Variants in CHST11 observed in about 807,000 individuals in gnomAD.
CHST11 encodes C4S-1.
CHST11 carries 9 observed loss-of-function variants against 30.4 expected under a neutral mutation model. That is an observed-to-expected ratio of 0.30 (90% CI 0.18 to 0.52). The LOEUF (loss-of-function observed/expected upper bound fraction) is 0.52. Ranked by LOEUF, CHST11 falls within the 20% of genes least tolerant of loss-of-function variation. The pLI, the probability that CHST11 is intolerant of heterozygous loss-of-function variation, is 0.97. For missense variants in CHST11, 348 were observed against 460.6 expected, an observed-to-expected ratio of 0.76 and a Z score of 2.24; for synonymous variants, 152 against 187.8, an observed-to-expected ratio of 0.81 and a Z score of 1.56.
chr12:104,704,362 G>C (rs540937619), intron 2 of CHST11, among the ~76,000 whole-genome samples: 4 of 152,320 alleles, frequency 2.6e-5, no homozygotes, highest in African/African-American at 9.6e-5. Flanking sequence ...GGCGGGGGAG[G>C]CTGCAGGTGA....
intron 1 of CHST11, among the ~76,000 whole-genome samples, chr12:104,599,214 T>C (rs2038935025): frequency 6.6e-6 from 1 of 152,192 alleles, no homozygotes; most frequent in South Asian, 2.1e-4. Context: ...CGGGCAGGGC[T>C]GATGGCTGTG....
intron 2 of CHST11, among the ~76,000 whole-genome samples, chr12:104,614,947 G>C (rs2039095844): frequency 6.6e-6 from 1 of 152,172 alleles, no homozygotes; most frequent in Non-Finnish European, 1.5e-5. Context: ...GGATAAGCAG[G>C]CCAAAGATGC....
chr12:104,680,310 C>T (rs997422293), intron 2 of CHST11, among the ~76,000 whole-genome samples: 1 of 152,234 alleles, frequency 6.6e-6, no homozygotes, highest in South Asian at 2.1e-4. Flanking sequence ...GGGGACATCT[C>T]AGGGACATAC....
intron 1 of CHST11, chr12:104,553,016 AAGG>A (rs2038419830): frequency 1.3e-5 from 2 of 152,208 alleles, no homozygotes; most frequent in Non-Finnish European, 2.9e-5. Flanking sequence ...GCAGTGTGAG[AAGG>A]AGTAGACCCC....
intron 2 of CHST11, among the ~76,000 whole-genome samples, chr12:104,642,257 A>G (rs572354652): frequency 2.5e-4 from 38 of 152,302 alleles, no homozygotes; most frequent in African/African-American, 9.1e-4. Context: ...GAATGGCAGT[A>G]TGGGAGTATG....
At chr12:104,528,236 C>A (rs958627367) in intron 1 of CHST11, among the ~76,000 whole-genome samples, 1 of 152,344 alleles carries the variant, frequency 6.6e-6, no homozygotes, top group Admixed American at 6.5e-5. Flanking sequence ...CTAACTGTCA[C>A]AACATCCTTT....
intron 1 of CHST11, among the ~76,000 whole-genome samples, chr12:104,571,483 A>C (rs116372748): frequency 6.6e-6 from 1 of 152,174 alleles, no homozygotes; most frequent in African/African-American, 2.4e-5. Context: ...TATTAAGAAC[A>C]ATGTTGACTG....
intron 2 of CHST11, among the ~76,000 whole-genome samples, chr12:104,602,717 G>A (rs910479341): frequency 1.3e-5 from 2 of 152,156 alleles, no homozygotes; most frequent in South Asian, 2.1e-4. Flanking sequence ...GCCCAGAACT[G>A]GTAAGTGAAC....
intron 1 of CHST11, among the ~76,000 whole-genome samples, chr12:104,494,101 C>G (rs1054642846): frequency 6.6e-6 from 1 of 152,204 alleles, no homozygotes; most frequent in African/African-American, 2.4e-5. Flanking sequence ...GCCACCGTGC[C>G]TGGCCTAACA....
chr12:104,603,114 C>T (rs909274278), intron 2 of CHST11, among the ~76,000 whole-genome samples: 2 of 152,090 alleles, frequency 1.3e-5, no homozygotes, highest in Non-Finnish European at 2.9e-5. Context: ...GGTGGTGACT[C>T]AGTGGGGAAT....
At chr12:104,591,825 T>C (rs1335665773) in intron 1 of CHST11, 1 of 154,044 alleles carries the variant, frequency 6.5e-6, no homozygotes, top group Admixed American at 6.5e-5. Flanking sequence ...CAATAGAAAA[T>C]GTTAGTTTGT....
At chr12:104,688,776 C>T (rs2039871044) in intron 2 of CHST11, among the ~76,000 whole-genome samples, 1 of 152,064 alleles carries the variant, frequency 6.6e-6, no homozygotes, top group East Asian at 1.9e-4. Flanking sequence ...ATGTATAGAG[C>T]CCTTAAGATG....
In CHST11 at chr12:104,470,889, G is replaced by T. The variant is rs1007487515; in HGVS notation, c.118+13360G>T. ...TCTTGGTTTCAGATAATTAGGTCAA[G>T]AAGTAATTATTTCATAAAGGCCTTA... On this transcript the variant is annotated intron_variant, in intron 1 of 2. Coordinates refer to ENST00000303694, the MANE Select transcript of CHST11 (RefSeq NM_018413.6). 3.9e-5 allele frequency among the ~76,000 whole-genome samples: 6 copies of T among 152,324 alleles called. No homozygotes were observed. In the South Asian group the frequency reaches 8.3e-4, roughly 21 times the overall value.
At chr12:104,491,881 C>T (rs2037750506) in intron 1 of CHST11, among the ~76,000 whole-genome samples, 1 of 152,190 alleles carries the variant, frequency 6.6e-6, no homozygotes. Flanking sequence ...CCTTGCTCAA[C>T]ATTGTGACCT....
chr12:104,692,201 G>A (rs1344810527), intron 2 of CHST11, among the ~76,000 whole-genome samples: 2 of 152,136 alleles, frequency 1.3e-5, no homozygotes, highest in Non-Finnish European at 2.9e-5. Flanking sequence ...AGCGAACCTC[G>A]GTCCGCAGTC....
rs117683606 is a variant in CHST11, at chr12:104,580,414, G to C, written c.119-21492G>C. ...AATTAGATTAGATGTTAGGCTGCCT[G>C]TTTCTAAATACCATGGGATGTAATT... On this transcript the variant is annotated intron_variant, in intron 1 of 2. Transcript: ENST00000303694. 4.8e-3 allele frequency among the ~76,000 whole-genome samples: 734 copies of C among 152,302 alleles called. 10 individuals carry two copies. The highest frequency in any genetic ancestry group is 0.015 in the African/African-American group (605 of 41,560).
At chr12:104,548,384 C>T (rs1300838704) in intron 1 of CHST11, among the ~76,000 whole-genome samples, 10 of 152,148 alleles carry the variant, frequency 6.6e-5, no homozygotes, top group Admixed American at 1.3e-4. Flanking sequence ...GCTGATTTCA[C>T]GCTACCAGTG....
rs76706390 is a variant in CHST11, at chr12:104,694,875, G to C, written c.205-62074G>C. Among the ~76,000 whole-genome samples, 441 of 152,298 alleles carry C rather than the reference G, an allele frequency of 2.9e-3. 1 individual carries two copies. The highest frequency in any genetic ancestry group is 0.01 in the African/African-American group (430 of 41,564). On this transcript the variant is annotated intron_variant, in intron 2 of 2. Transcript: ENST00000303694. ...GCAGCTCCGAGTCCTGAGCTTTGAC[G>C]TGGGAATCAGATTTCCCTGGGCCTG...
At chr12:104,630,515 A>T (rs1205860335) in intron 2 of CHST11, among the ~76,000 whole-genome samples, 1 of 152,232 alleles carries the variant, frequency 6.6e-6, no homozygotes, top group Non-Finnish European at 1.5e-5. Context: ...AACTGGCTGG[A>T]AAATGAAATC....
Sources: gnomAD v4.1 joint callset for allele counts (sites outside exome capture counted in the v4.1 genomes callset) on GRCh38, gnomAD v4.1.1 for gene constraint, MANE v1.5 for transcripts, NCBI Gene and HGNC (gene_info 2026-07-23, HGNC 2026-07-21) for gene names.